POLR1A: variants seen among roughly 807,000 people sequenced by gnomAD.
The protein encoded by POLR1A is DNA-directed RNA polymerase I subunit RPA1.
Under a neutral mutation model 205.3 loss-of-function variants are expected in POLR1A, and 84 were observed. The ratio of observed to expected loss-of-function variants is 0.41; its 90% confidence interval spans 0.34 to 0.49. The LOEUF is 0.49. Among genes scored for constraint, POLR1A ranks in the 20% least tolerant of loss-of-function variants. The probability of loss-of-function intolerance (pLI) is 0.22; values close to 1 mark genes in which losing one functional copy is unlikely to be tolerated. For synonymous variants in POLR1A, 799 were observed against 863.7 expected, an observed-to-expected ratio of 0.93 and a Z score of 1.31; for missense variants, 1,645 against 2,204.5, an observed-to-expected ratio of 0.75 and a Z score of 5.08.
In POLR1A at chr2:86,040,421, G is replaced by A. The variant is rs376322875; in HGVS notation, c.3711C>T (p.Gly1237=). 1.2e-6 allele frequency: 2 copies of A among 1,612,080 alleles called. No individual in the cohort carries two copies. The highest frequency in any genetic ancestry group is 1.7e-6 in the Non-Finnish European group (2 of 1,178,926). Residue 1237 remains glycine, a synonymous_variant, in exon 25 of 34, where the codon GGC becomes GGT. Coordinates refer to ENST00000263857, the MANE Select transcript of POLR1A (RefSeq NM_015425.6). ...GAATGCCCAGGGTGACGTTCATCTCGCCTCTGCCTGCAAAGTGGAAGGTGT... is the reference window on the plus strand; with the variant it reads ...GAATGCCCAGGGTGACGTTCATCTCACCTCTGCCTGCAAAGTGGAAGGTGT... ...TLNTFHFAGR[G]EMNVTLGIPR...
In POLR1A at chr2:86,043,164, A is replaced by G. The variant is rs376166294; in HGVS notation, c.3167T>C (p.Val1056Ala). ...VIMKSQHLHE[V>A]LSRADPKKAL... ...TTTTTTGGGATCTGCTCTGGATAAA[A>G]CTTCATGGAGATGCTGTGATTTCAT... is the stretch of plus-strand genomic sequence containing the variant. Residue 1056 changes from valine to alanine, a missense_variant, in exon 23 of 34, where the codon GTT (valine) becomes GCT (alanine). By Grantham distance (64) the Val-to-Ala change is moderately conservative. This residue lies in a region of POLR1A where 201 missense variants were observed against 222.3 expected (regional missense o/e 0.90). Coordinates refer to ENST00000263857, the MANE Select transcript of POLR1A (RefSeq NM_015425.6). 3.1e-6 allele frequency: 5 copies of G among 1,613,844 alleles called. No individual in the cohort carries two copies. Among genetic ancestry groups the G allele is most frequent in the Non-Finnish European group, 4.2e-6 (5 of 1,179,928 alleles).
At chr2:86,105,199 T>C (rs969240267) in intron 1 of POLR1A, among the ~76,000 whole-genome samples, 2 of 152,094 alleles carry the variant, frequency 1.3e-5, no homozygotes, top group Non-Finnish European at 2.9e-5. Flanking sequence ...AGAGAGTGCA[T>C]TGGAGAATGT....
chr2:86,051,023 G>C (rs1248541038), intron 16 of POLR1A, among the ~76,000 whole-genome samples: 2 of 152,288 alleles, frequency 1.3e-5, no homozygotes, highest in East Asian at 3.9e-4. Flanking sequence ...GTTTGTTCAA[G>C]GATGCTCATC....
Position 86,098,771 on chromosome 2 carries a change from G to A in POLR1A, c.283-11C>T, listed in dbSNP as rs756591617. The A allele has an allele frequency of 1.9e-6, 3 of 1,613,356 alleles. No homozygotes were observed. Among genetic ancestry groups the A allele is most frequent in the South Asian group, 1.1e-5 (1 of 91,038 alleles). Reference sequence around the variant, plus strand: ...CAGCAGGTACAGCTTCTGAAGAGAGGGAATAAAAACAAACAGGATATTAGA... The same window carrying A: ...CAGCAGGTACAGCTTCTGAAGAGAGAGAATAAAAACAAACAGGATATTAGA... On this transcript the variant is annotated splice_polypyrimidine_tract_variant and intron_variant, in intron 2 of 33. Transcript: ENST00000263857.
intron 33 of POLR1A, 135 bp from the exon 34 acceptor site, chr2:86,027,658 G>C: frequency 1.2e-6 from 1 of 863,114 alleles, no homozygotes; most frequent in Non-Finnish European, 1.9e-6. Flanking sequence ...GGGATCACGA[G>C]GCAGCCCCCC....
Position 86,042,039 on chromosome 2 carries a change from G to A in POLR1A, c.3422C>T (p.Ala1141Val), listed in dbSNP as rs1269294698. The A allele has an allele frequency of 1.9e-6, 3 of 1,613,806 alleles. No individual in the cohort carries two copies. The highest frequency in any genetic ancestry group is 3.3e-5 in the Admixed American group (2 of 60,004). ...SRRKYQKKAA[A>V]CPDPSLSVWR... is the part of the protein sequence containing the mutation. The stretch of plus-strand genomic sequence containing the variant: ...GACAGACAGACTGGGGTCAGGACAA[G>A]CGGCCGCCTTCTTCTGGTATTTCCT... Residue 1141 changes from alanine to valine, a missense_variant, in exon 24 of 34, where the codon GCT becomes GTT. Coordinates refer to ENST00000263857, the MANE Select transcript of POLR1A (RefSeq NM_015425.6).
chr2:86,057,617 C>A (rs1573815228), intron 14 of POLR1A, among the ~76,000 whole-genome samples: 1 of 152,144 alleles, frequency 6.6e-6, no homozygotes, highest in African/African-American at 2.4e-5. Context: ...GAATGTTATT[C>A]ATCCATAAAG....
Position 86,031,410 on chromosome 2 carries a change from G to A in POLR1A, c.4498C>T (p.Arg1500Cys), listed in dbSNP as rs1430739180. 8.1e-6 allele frequency: 13 copies of A among 1,613,088 alleles called. No homozygotes were observed. Among genetic ancestry groups the A allele is most frequent in the South Asian group, 4.4e-5 (4 of 91,018 alleles). Reference protein sequence around the residue: ...QEPQGPEAMERRVQAVREIHP... With the variant: ...QEPQGPEAMECRVQAVREIHP... ...ATCTCACGCACAGCCTGGACCCGGCGCTCCATGGCCTCGGGCCCCTGGGGC... is the reference window on the plus strand; with the variant it reads ...ATCTCACGCACAGCCTGGACCCGGCACTCCATGGCCTCGGGCCCCTGGGGC... The change falls in exon 30 of 34, where the codon CGC (arginine) becomes TGC (cysteine). Residue 1500 changes from arginine (R) to cysteine (C), a missense_variant. Arg to Cys is a radical substitution (Grantham distance 180). Coordinates refer to ENST00000263857, the MANE Select transcript of POLR1A (RefSeq NM_015425.6).
chr2:86,088,103 G>A (rs888880237), intron 6 of POLR1A, among the ~76,000 whole-genome samples: 1 of 152,188 alleles, frequency 6.6e-6, no homozygotes, highest in Non-Finnish European at 1.5e-5. Context: ...GCTGAGGAAA[G>A]AATTCTACCT....
At position 86,105,803 on chromosome 2, in the gene POLR1A, AC is replaced by A; in HGVS notation, c.-28del. On this transcript the variant is annotated 5_prime_UTR_variant, in exon 1 of 34. Coordinates refer to ENST00000263857, the MANE Select transcript of POLR1A (RefSeq NM_015425.6). The stretch of plus-strand genomic sequence containing the variant: ...CTCCAGGTCCGTTTTGAATTCCGAC[AC>A]CCCAAGAGACGTTCCACTCACCACC... 6.3e-7 allele frequency: 1 copy of A among 1,575,770 alleles called. No homozygotes were observed. Among genetic ancestry groups the A allele is most frequent in the Non-Finnish European group, 8.7e-7 (1 of 1,145,366 alleles).
chr2:86,040,117 C>T (rs1672574329), intron 25 of POLR1A: 1 of 333,712 alleles, frequency 3.0e-6, no homozygotes, highest in Non-Finnish European at 5.4e-6. Context: ...TGAGTCCTTC[C>T]CCCAGCAGTG....
chr2:86,054,823 C>T (rs2278087), intron 14 of POLR1A, among the ~76,000 whole-genome samples: 6,466 of 152,310 alleles, frequency 0.042, 257 homozygotes, highest in East Asian at 0.23. Context: ...CAAAGGGAGA[C>T]AGCTTTATCT....
Position 86,030,298 on chromosome 2 carries a change from G to A in POLR1A, c.4677C>T (p.Ile1559=), listed in dbSNP as rs1488385494. 1 of 1,614,050 alleles carries A rather than the reference G, an allele frequency of 6.2e-7. No homozygotes were observed. Among genetic ancestry groups the A allele is most frequent in the East Asian group, 2.2e-5 (1 of 44,882 alleles). ...HGAVIYATKG[I]TRCLLNETTN... is the part of the protein sequence containing the mutation. ...TTGTTTCATTCAGGAGGCACCGAGT[G>A]ATGCCCTTGGTCGCATAGATGACGG... Residue 1559 remains isoleucine (I), a synonymous_variant, in exon 31 of 34, where the codon ATC becomes ATT. Transcript: ENST00000263857.
At chr2:86,036,850 G>A (rs1265649769) in intron 27 of POLR1A, 1 of 152,254 alleles carries the variant, frequency 6.6e-6, no homozygotes, top group Non-Finnish European at 1.5e-5. Flanking sequence ...TTCACGGCTG[G>A]GAACAAGCCA....
chr2:86,025,879 G>C lies in POLR1A; in HGVS notation c.*1544C>G, dbSNP rs1672230802. ...CATATTCCTCTGTGCCCATGCCTTG[G>C]TGAACCTGGCAGACCCCGTTAGGAG... On this transcript the variant is annotated 3_prime_UTR_variant, in exon 34 of 34. Transcript: ENST00000263857. 6.6e-6 allele frequency: 1 copy of C among 152,232 alleles called. No homozygotes were observed. The highest frequency in any genetic ancestry group is 6.5e-5 in the Admixed American group (1 of 15,280). The allele number at this position is 152,232 out of a possible 1,614,324, so 9.4% of individuals were successfully genotyped here.
At chr2:86,084,093 G>A (rs1475993609) in intron 6 of POLR1A, among the ~76,000 whole-genome samples, 4 of 152,100 alleles carry the variant, frequency 2.6e-5, no homozygotes, top group Admixed American at 1.3e-4. Context: ...CAGGGAAACC[G>A]TGTCCCTATG....
In POLR1A at chr2:86,038,761, C is replaced by G; in HGVS notation, c.3973G>C (p.Ala1325Pro). 1 of 1,613,756 alleles carries G rather than the reference C, an allele frequency of 6.2e-7. No homozygotes were observed. The highest frequency in any genetic ancestry group is 8.5e-7 in the Non-Finnish European group (1 of 1,179,692). ...AGGCACTTCTCCTGCTGGTAATATG[C>G]ATGTGGCAGGAACTGAAACCGCAGC... ...YQLRFQFLPH[A>P]YYQQEKCLRP... Residue 1325 changes from alanine to proline, a missense_variant, in exon 27 of 34, where the codon GCA (alanine) becomes CCA (proline). By Grantham distance (27) the Ala-to-Pro change is conservative (BLOSUM62 -1). Around this residue, in one of 16 missense-constraint regions of POLR1A, gnomAD observed 394 missense variants for 468.5 expected, o/e 0.84. Transcript: ENST00000263857.
At position 86,077,809 on chromosome 2, in the gene POLR1A, G is replaced by GCA. The variant is rs758996128; in HGVS notation, c.1380+49_1380+50insTG. The GCA allele has an allele frequency of 6.8e-4, 882 of 1,301,904 alleles. 2 individuals are homozygous for GCA. Among genetic ancestry groups the GCA allele is most frequent in the African/African-American group, 2.5e-3 (165 of 64,834 alleles). 80.6% of individuals were successfully genotyped at this position (1,301,904 alleles called of 1,614,324 possible). ...GAGCAAATGAGCCCTGCACGCGCGCGCGCACACACACACACACACACACAC... is the reference window on the plus strand; with the variant it reads ...GAGCAAATGAGCCCTGCACGCGCGCGCACGCACACACACACACACACACACAC... On this transcript the variant is annotated intron_variant, in intron 11 of 33. Transcript: ENST00000263857.
chr2:86,057,139 T>C (rs1306160745), intron 14 of POLR1A, among the ~76,000 whole-genome samples: 2 of 152,158 alleles, frequency 1.3e-5, no homozygotes, highest in Non-Finnish European at 2.9e-5. Flanking sequence ...ATTAAAAAAT[T>C]TGTGATTCAT....
Sources: gnomAD v4.1 joint callset for allele counts (sites outside exome capture counted in the v4.1 genomes callset) on GRCh38, gnomAD v4.1.1 for gene constraint, gnomAD v4.1.1 regional missense constraint, MANE v1.5 for transcripts, NCBI Gene and HGNC (gene_info 2026-07-23, HGNC 2026-07-21) for gene names.